Variants in ANKRD36C observed in about 807,000 individuals in gnomAD.
ANKRD36C encodes ankyrin repeat domain-containing protein 36C.
A neutral mutation model predicts 276.4 loss-of-function variants in ANKRD36C; 61 were observed. The ratio of observed to expected loss-of-function variants is 0.22; its 90% CI spans 0.18 to 0.27. The LOEUF is 0.27. ANKRD36C is among the 10% of genes least tolerant of loss of function. The pLI, the probability that ANKRD36C is intolerant of heterozygous loss-of-function variation, is 1.00. For synonymous variants in ANKRD36C, 483 were observed against 680.1 expected, an observed-to-expected ratio of 0.71 and a Z score of 4.51; for missense variants, 1,447 against 2,032.3, an observed-to-expected ratio of 0.71 and a Z score of 5.54.
exon 8 of ANKRD36C, chr2:95,962,367 G>C (rs1257892859): frequency 6.4e-7 from 1 of 1,556,474 alleles, no homozygotes; most frequent in African/African-American, 1.4e-5. Context: ...CCAGATTTTT[G>C]TCCATCCTTT....
chr2:95,896,341 G>A (rs1676549606), intron 44 of ANKRD36C, among the ~76,000 whole-genome samples: 1 of 148,912 alleles, frequency 6.7e-6, no homozygotes, highest in South Asian at 2.1e-4. Flanking sequence ...ACAAGCATTA[G>A]ATATTAATCA....
chr2:95,983,074 C>T (rs1183316810), intron 3 of ANKRD36C, among the ~76,000 whole-genome samples: 2 of 151,486 alleles, frequency 1.3e-5, no homozygotes, highest in African/African-American at 2.4e-5. Context: ...ACACACTTGC[C>T]TCATTCTCTT....
At chr2:95,902,804 AG>A in intron 42 of ANKRD36C, 81 bp downstream of exon 54, 4 of 1,433,120 alleles carry the variant, frequency 2.8e-6, no homozygotes, top group Middle Eastern at 2.5e-4. Flanking sequence ...AGCTTCAACG[AG>A]CCCCCCGCTG....
intron 38 of ANKRD36C, 40 bp from the exon 41 acceptor site, chr2:95,914,343 A>C (rs1276188732): frequency 6.5e-7 from 1 of 1,542,502 alleles, no homozygotes; most frequent in East Asian, 2.5e-5. Context: ...CATATGTAAA[A>C]ATGACAAAAT....
intron 19 of ANKRD36C, among the ~76,000 whole-genome samples, chr2:95,942,577 T>C (rs1265374037): frequency 4.9e-4 from 70 of 142,654 alleles, no homozygotes; most frequent in South Asian, 2.3e-3. Context: ...AAAGTTCATA[T>C]GGTTTTCTGA....
At chr2:95,954,654 C>T (rs1218200390) in intron 13 of ANKRD36C, among the ~76,000 whole-genome samples, 1 of 152,162 alleles carries the variant, frequency 6.6e-6, no homozygotes, top group Non-Finnish European at 1.5e-5. Context: ...TGGGAATATT[C>T]TTCACAGAAG....
At chr2:95,895,684 T>A (rs1676518123) in intron 44 of ANKRD36C, 94 bp from the exon 61 acceptor site, 1 of 1,546,818 alleles carries the variant, frequency 6.5e-7, no homozygotes, top group Non-Finnish European at 8.8e-7. Flanking sequence ...TCTGTCCTCC[T>A]GCCTGTATTA....
intron 34 of ANKRD36C, among the ~76,000 whole-genome samples, 191 bp downstream of exon 34, chr2:95,921,416 A>C (rs566608355): frequency 1.3e-5 from 2 of 151,626 alleles, no homozygotes; most frequent in South Asian, 4.2e-4. Flanking sequence ...CATACTGCAA[A>C]GATCACGTTC....
At chr2:95,903,380 T>C (rs1676714331) in intron 42 of ANKRD36C, among the ~76,000 whole-genome samples, 1 of 150,568 alleles carries the variant, frequency 6.6e-6, no homozygotes, top group East Asian at 2.0e-4. Flanking sequence ...GACAAAGTGA[T>C]ATAAAATCAG....
At chr2:95,982,124 T>C (rs1433357599) in intron 4 of ANKRD36C, 132 bp downstream of exon 4, 2 of 689,876 alleles carry the variant, frequency 2.9e-6, no homozygotes, top group Admixed American at 3.2e-5. Context: ...TCTGTGTTGA[T>C]ATTTCTCACT....
At chr2:95,870,319 C>G (rs1675776324) in intron 59 of ANKRD36C, among the ~76,000 whole-genome samples, 2 of 152,140 alleles carry the variant, frequency 1.3e-5, no homozygotes, top group South Asian at 4.1e-4. Context: ...AGACAAAACT[C>G]CCAGAGGAAC....
chr2:95,880,687 G>C, intron 56 of ANKRD36C, 64 bp from the exon 77 acceptor site: 1 of 1,516,054 alleles, frequency 6.6e-7, no homozygotes, highest in Non-Finnish European at 8.9e-7. Context: ...CCATACATTT[G>C]TGGAGTGTTA....
intron 3 of ANKRD36C, among the ~76,000 whole-genome samples, chr2:95,983,487 A>G (rs1353390112): frequency 2.0e-5 from 3 of 151,860 alleles, no homozygotes; most frequent in African/African-American, 4.8e-5. Context: ...TAAAATATCA[A>G]TCAGAAATAA....
chr2:95,952,840 T>TAA (rs1329830820), intron 14 of ANKRD36C, among the ~76,000 whole-genome samples: 1 of 152,300 alleles, frequency 6.6e-6, no homozygotes, highest in Non-Finnish European at 1.5e-5. Context: ...TAAAAACTAT[T>TAA]AAAGTGTTTC....
At chr2:95,937,251 G>GTC (rs922536089) in intron 22 of ANKRD36C, among the ~76,000 whole-genome samples, 1 of 151,552 alleles carries the variant, frequency 6.6e-6, no homozygotes, top group African/African-American at 2.4e-5. Flanking sequence ...CAATGACATA[G>GTC]TCTCTGCTCA....
Position 95,944,783 on chromosome 2 carries a change from A to T in ANKRD36C, c.1424-89T>A, listed in dbSNP as rs1401274357. On this transcript the variant is annotated intron_variant, in intron 18 of 66. Transcript: ENST00000456556. ...CCGGGTGTGGGGGCTCACAGCTTTAATCCCAGCAGTTTGGGGGGCCGATGC... is the reference window on the plus strand; with the variant it reads ...CCGGGTGTGGGGGCTCACAGCTTTATTCCCAGCAGTTTGGGGGGCCGATGC... 2.8e-6 allele frequency: 4 copies of T among 1,427,796 alleles called. No homozygotes were observed. The African/African-American group carries it at 5.7e-5, about 20-fold the overall frequency. The allele number at this position is 1,427,796 out of a possible 1,614,324, so 88.4% of individuals were successfully genotyped here.
At chr2:95,908,553 A>T (rs746599329) in intron 42 of ANKRD36C, 18 of 1,554,378 alleles carry the variant, frequency 1.2e-5, no homozygotes, top group Non-Finnish European at 8.7e-7. Context: ...TTCAAAAGAG[A>T]ATCTTTCTCA....
intron 42 of ANKRD36C, among the ~76,000 whole-genome samples, chr2:95,909,292 C>T (rs60017402): frequency 0.21 from 13,742 of 63,976 alleles, 1,626 homozygotes; most frequent in East Asian, 0.49. Flanking sequence ...TATGGTGTAA[C>T]AATCTGCCTA....
At chr2:95,948,182 T>C (rs569531625) in intron 17 of ANKRD36C, among the ~76,000 whole-genome samples, 5 of 152,318 alleles carry the variant, frequency 3.3e-5, no homozygotes, top group South Asian at 2.1e-4. Flanking sequence ...ACTCATATGA[T>C]ATACAACTCA....
Sources: allele counts gnomAD v4.1 joint callset (sites outside exome capture counted in the v4.1 genomes callset), GRCh38; gene constraint gnomAD v4.1.1; transcripts MANE v1.5; gene names NCBI Gene and HGNC (gene_info 2026-07-23, HGNC 2026-07-21).